The following DCX variants were observed in gnomAD, a reference collection of about 807,000 sequenced individuals.
DCX encodes doublecortin.
In DCX, 4 loss-of-function variants were observed where a neutral mutation model predicts 20.9. The ratio of observed to expected loss-of-function variants is 0.19; its 90% CI spans 0.09 to 0.44. The LOEUF (loss-of-function observed/expected upper bound fraction) is 0.44, where lower values mean the gene tolerates loss of function less well. Among genes scored for constraint, DCX ranks in the 20% least tolerant of loss-of-function variants. DCX has a pLI of 0.99. For missense variants in DCX, 133 were observed against 296.9 expected (o/e 0.45, Z 4.06); for synonymous variants, 103 against 111.4 (o/e 0.92, Z 0.47).
chrX:111,382,772 A>T (rs1273732285), intron 3 of DCX, among the ~76,000 whole-genome samples: 5 of 111,895 alleles, frequency 4.5e-5, no homozygotes, highest in Non-Finnish European at 9.4e-5. Flanking sequence ...CTGATGTTCA[A>T]ACAAGGTATG....
At chrX:111,409,055 A>ATAATGGG (rs1256543511) in intron 2 of DCX, among the ~76,000 whole-genome samples, 1 of 111,758 alleles carries the variant, frequency 8.9e-6, no homozygotes, top group Non-Finnish European at 1.9e-5. Flanking sequence ...GAGGGGCTTG[A>ATAATGGG]GGAGGAACAC....
intron 3 of DCX, among the ~76,000 whole-genome samples, chrX:111,375,169 C>T (rs1241450812): frequency 9.4e-6 from 1 of 106,258 alleles, no homozygotes; most frequent in African/African-American, 3.4e-5. Context: ...CTGGTGATGG[C>T]TACACAAAAA....
chrX:111,361,669 G>A (rs746514308), intron 3 of DCX, among the ~76,000 whole-genome samples: 1 of 112,412 alleles, frequency 8.9e-6, no homozygotes, highest in South Asian at 3.7e-4. Flanking sequence ...AGGCTCATTT[G>A]TAGCTTCTTG....
intron 3 of DCX, among the ~76,000 whole-genome samples, chrX:111,340,554 T>C (rs1024643104): frequency 9.0e-6 from 1 of 111,654 alleles, no homozygotes; most frequent in African/African-American, 3.3e-5. Flanking sequence ...CTGTTCCCCA[T>C]GCCACTCGAC....
At chrX:111,346,653 GTAAC>G (rs1439399526) in intron 3 of DCX, among the ~76,000 whole-genome samples, 1 of 111,968 alleles carries the variant, frequency 8.9e-6, no homozygotes, top group African/African-American at 3.2e-5. Context: ...TACTGTGAAT[GTAAC>G]TAAAGCCACT....
intron 5 of DCX, among the ~76,000 whole-genome samples, chrX:111,328,669 A>G (rs752467963): frequency 1.2e-4 from 13 of 111,879 alleles, no homozygotes; most frequent in Admixed American, 2.9e-4. Context: ...CTTCCAATGA[A>G]TATAATAAAG....
chrX:111,311,608 G>A (rs926859116), intron 6 of DCX, among the ~76,000 whole-genome samples: 12 of 111,666 alleles, frequency 1.1e-4, no homozygotes, highest in African/African-American at 1.3e-4. Flanking sequence ...AGCTGGCTCT[G>A]GCACACCACT....
intron 6 of DCX, 113 bp from the exon 7 acceptor site, chrX:111,301,856 T>G: frequency 1.4e-6 from 1 of 711,765 alleles, no homozygotes; most frequent in South Asian, 2.5e-5. Flanking sequence ...ATAATAATTA[T>G]AGATTCACAG....
chrX:111,328,399 G>T (rs1197419707), intron 5 of DCX, among the ~76,000 whole-genome samples: 1 of 111,394 alleles, frequency 9.0e-6, no homozygotes, highest in Non-Finnish European at 1.9e-5. Context: ...AATTCTGTAG[G>T]TGGCATTCTG....
intron 3 of DCX, among the ~76,000 whole-genome samples, chrX:111,365,446 T>C (rs1924547767): frequency 1.8e-5 from 2 of 110,561 alleles, no homozygotes; most frequent in Admixed American, 1.9e-4. Flanking sequence ...TCCTGAAGAA[T>C]GGGGTATCCG....
chrX:111,384,346 G>A (rs140201774), intron 3 of DCX, among the ~76,000 whole-genome samples: 1,979 of 110,829 alleles, frequency 0.018, 54 homozygotes, highest in African/African-American at 0.061. Context: ...CCATTCATTC[G>A]TTCATTCAAT....
chrX:111,304,698 T>C (rs1486420933), intron 6 of DCX, among the ~76,000 whole-genome samples: 1 of 111,909 alleles, frequency 8.9e-6, no homozygotes, highest in African/African-American at 3.3e-5. Flanking sequence ...TCAGTTGCAA[T>C]TGTTTAAAAA....
chrX:111,323,533 G>A (rs973830594), intron 5 of DCX, among the ~76,000 whole-genome samples: 1 of 109,837 alleles, frequency 9.1e-6, no homozygotes, highest in African/African-American at 3.3e-5. Flanking sequence ...TAGGCTGAGG[G>A]CTAGTTCTTT....
intron 3 of DCX, among the ~76,000 whole-genome samples, chrX:111,385,205 T>C (rs986880863): frequency 6.2e-5 from 7 of 112,519 alleles, no homozygotes; most frequent in Non-Finnish European, 1.1e-4. Context: ...TACATCCTAT[T>C]GGTCCTGTTT....
intron 5 of DCX, among the ~76,000 whole-genome samples, chrX:111,327,940 C>T (rs193203136): frequency 4.8e-4 from 54 of 112,515 alleles, no homozygotes; most frequent in African/African-American, 1.5e-3. Flanking sequence ...CATGAGGAGG[C>T]TATAGACACA....
At chrX:111,380,859 T>C (rs1289142012) in intron 3 of DCX, among the ~76,000 whole-genome samples, 1 of 111,261 alleles carries the variant, frequency 9.0e-6, no homozygotes, top group Admixed American at 9.6e-5. Flanking sequence ...TTCATTTTTA[T>C]ATTTGCGTGT....
chrX:111,306,643 T>A (rs1262203088), intron 6 of DCX, among the ~76,000 whole-genome samples: 6 of 110,958 alleles, frequency 5.4e-5, no homozygotes, highest in Non-Finnish European at 1.1e-4. Flanking sequence ...CCATGGAACA[T>A]CCTCCAGGAT....
chrX:111,411,998 C>T (rs760784828), intron 1 of DCX, 140 bp downstream of exon 1: 2 of 111,782 alleles, frequency 1.8e-5, no homozygotes, highest in South Asian at 7.6e-4. Flanking sequence ...CAGGTAGAAG[C>T]TTAGGGAAAA....
intron 3 of DCX, among the ~76,000 whole-genome samples, chrX:111,345,379 C>A (rs1305299603): frequency 9.0e-6 from 1 of 111,628 alleles, no homozygotes; most frequent in Admixed American, 9.4e-5. Context: ...CAACAAAAGC[C>A]AAAAATGACA....
Sources: gnomAD v4.1 joint callset for allele counts (sites outside exome capture counted in the v4.1 genomes callset) on GRCh38, gnomAD v4.1.1 for gene constraint, MANE v1.5 for transcripts, NCBI Gene and HGNC (gene_info 2026-07-23, HGNC 2026-07-21) for gene names.